The following AUTS2 variants were observed in gnomAD, a reference collection of about 807,000 sequenced individuals.
AUTS2 encodes activator of transcription and developmental regulator AUTS2.
AUTS2 carries 17 observed loss-of-function variants against 112.4 expected under a neutral mutation model. The ratio of observed to expected loss-of-function variants is 0.15; its 90% confidence interval spans 0.10 to 0.23. The LOEUF is 0.23. Ranked by LOEUF, AUTS2 falls within the 10% of genes least tolerant of loss-of-function variation. AUTS2 has a pLI of 1.00. For synonymous variants in AUTS2, 751 were observed against 702.7 expected, an observed-to-expected ratio of 1.07 and a Z score of -1.09; for missense variants, 1,510 against 1,701.6, an observed-to-expected ratio of 0.89 and a Z score of 1.98.
At chr7:70,221,867 A>G (rs558268261) in intron 4 of AUTS2, among the ~76,000 whole-genome samples, 1 of 152,358 alleles carries the variant, frequency 6.6e-6, no homozygotes, top group South Asian at 2.1e-4. Flanking sequence ...AGCCTAGGTG[A>G]CAAGAGCAGA....
At chr7:70,209,774 G>A (rs913670653) in intron 4 of AUTS2, among the ~76,000 whole-genome samples, 3 of 152,132 alleles carry the variant, frequency 2.0e-5, no homozygotes, top group Admixed American at 6.5e-5. Context: ...TACTACAACC[G>A]ATTAATGAAA....
chr7:70,037,384 G>A (rs779557666), intron 2 of AUTS2, among the ~76,000 whole-genome samples: 37 of 152,280 alleles, frequency 2.4e-4, no homozygotes, highest in Non-Finnish European at 5.0e-4. Context: ...GTAGGTTATA[G>A]CTGCTCTTGC....
At chr7:70,768,310 G>A (rs1790066938) in intron 10 of AUTS2, among the ~76,000 whole-genome samples, 2 of 152,192 alleles carry the variant, frequency 1.3e-5, no homozygotes, top group African/African-American at 2.4e-5. Flanking sequence ...GCTCTTTAGT[G>A]GCAGTCAGGC....
chr7:70,082,305 AATTC>A (rs1803361139), intron 2 of AUTS2, among the ~76,000 whole-genome samples: 1 of 152,164 alleles, frequency 6.6e-6, no homozygotes, highest in Non-Finnish European at 1.5e-5. Flanking sequence ...CTTGTGAGGA[AATTC>A]ATCTTAAAAA....
At chr7:70,322,382 T>C (rs1306392858) in intron 4 of AUTS2, among the ~76,000 whole-genome samples, 1 of 152,194 alleles carries the variant, frequency 6.6e-6, no homozygotes, top group African/African-American at 2.4e-5. Context: ...AGGGCCTTTA[T>C]GCTATGGTTT....
At chr7:69,716,450 T>C (rs1403881092) in intron 1 of AUTS2, among the ~76,000 whole-genome samples, 3 of 152,168 alleles carry the variant, frequency 2.0e-5, no homozygotes, top group African/African-American at 7.2e-5. Flanking sequence ...GGACAAGGAC[T>C]GAACTTCTGA....
chr7:69,809,156 G>A lies in AUTS2; in HGVS notation c.310-90130G>A, dbSNP rs188524965. 4.4e-3 allele frequency among the ~76,000 whole-genome samples: 667 copies of A among 152,010 alleles called. 4 individuals are homozygous for A. Among genetic ancestry groups the A allele is most frequent in the Non-Finnish European group, 5.8e-3 (394 of 67,984 alleles). On this transcript the variant is annotated intron_variant, in intron 1 of 18. Coordinates refer to ENST00000342771, the MANE Select transcript of AUTS2 (RefSeq NM_015570.4). ...GTGGCGCGATCTCGGCTCACTGCAAGTTCCGCCTCCCAGGTTCACACCATT... is the reference window on the plus strand; with the variant it reads ...GTGGCGCGATCTCGGCTCACTGCAAATTCCGCCTCCCAGGTTCACACCATT...
chr7:69,689,838 C>T (rs926972064), intron 1 of AUTS2, among the ~76,000 whole-genome samples: 5 of 150,102 alleles, frequency 3.3e-5, no homozygotes, highest in African/African-American at 7.4e-5. Flanking sequence ...CCACCATGCC[C>T]GGCTTAATTT....
intron 2 of AUTS2, among the ~76,000 whole-genome samples, chr7:70,100,908 CCTT>C (rs1371883962): frequency 1.8e-4 from 27 of 152,158 alleles, no homozygotes; most frequent in Admixed American, 1.4e-3. Flanking sequence ...GACAGAGTCT[CCTT>C]CTATCCCCCA....
chr7:70,740,875 C>T (rs1410260258), intron 6 of AUTS2, among the ~76,000 whole-genome samples: 1 of 152,054 alleles, frequency 6.6e-6, no homozygotes, highest in Admixed American at 6.6e-5. Context: ...AGACGGATCA[C>T]TTGCGGTCAG....
chr7:69,699,260 A>G (rs924995407), intron 1 of AUTS2, among the ~76,000 whole-genome samples: 1 of 152,214 alleles, frequency 6.6e-6, no homozygotes, highest in Non-Finnish European at 1.5e-5. Flanking sequence ...TAAGAAGTAT[A>G]TAGAGGAATG....
chr7:70,135,181 CAATATTGTGATAATCAT>C (rs1806486235), intron 4 of AUTS2, among the ~76,000 whole-genome samples: 1 of 152,090 alleles, frequency 6.6e-6, no homozygotes, highest in Non-Finnish European at 1.5e-5. Context: ...GGGATTATCA[CAATATTGTGATAATCAT>C]GAATATAAAA....
chr7:69,817,346 G>A (rs1311864744), intron 1 of AUTS2, among the ~76,000 whole-genome samples: 1 of 152,202 alleles, frequency 6.6e-6, no homozygotes, highest in African/African-American at 2.4e-5. Context: ...TCACATTCCT[G>A]TCTTACTCAT....
chr7:70,102,525 G>T (rs1041985698), intron 2 of AUTS2, among the ~76,000 whole-genome samples: 1 of 151,382 alleles, frequency 6.6e-6, no homozygotes, highest in Admixed American at 6.6e-5. Context: ...AGTTTCTTTG[G>T]TTAGATCACA....
chr7:70,292,067 G>C (rs1330795449), intron 4 of AUTS2: 2 of 152,162 alleles, frequency 1.3e-5, no homozygotes, highest in African/African-American at 2.4e-5. Flanking sequence ...TCATTGGATT[G>C]ATTTTGTGGA....
At position 69,914,938 on chromosome 7, in the gene AUTS2, T is replaced by G. The variant is rs115482212; in HGVS notation, c.522+15440T>G. On this transcript the variant is annotated intron_variant, in intron 2 of 18. Transcript: ENST00000342771. ...GCCCAATTAATTCATTTTCCACATA[T>G]TTGCTCATTGAGCAAACATCAACTG... Among the ~76,000 whole-genome samples the G allele has an allele frequency of 2.9e-3, 441 of 152,314 alleles. 5 individuals carry two copies. Among genetic ancestry groups the G allele is most frequent in the African/African-American group, 0.01 (427 of 41,566 alleles).
chr7:70,326,728 C>T (rs1264510408), intron 4 of AUTS2, among the ~76,000 whole-genome samples: 1 of 152,112 alleles, frequency 6.6e-6, no homozygotes, highest in Admixed American at 6.5e-5. Flanking sequence ...TAAGGTTGGA[C>T]ATTTATTTCC....
intron 5 of AUTS2, among the ~76,000 whole-genome samples, chr7:70,530,260 T>C (rs745770416): frequency 6.6e-6 from 1 of 152,200 alleles, no homozygotes. Flanking sequence ...ATTAAAATTG[T>C]ATCAAAGAGG....
chr7:70,791,273 G>T lies in AUTS2; in HGVS notation c.*277G>T. 1 of 178,456 alleles carries T rather than the reference G, an allele frequency of 5.6e-6. No homozygotes were observed. The highest frequency in any genetic ancestry group is 1.0e-5 in the Non-Finnish European group (1 of 96,208). The allele number at this position is 178,456 out of a possible 1,614,324, so 11.1% of individuals were successfully genotyped here. A position where few individuals can be genotyped will look rare whatever the true frequency, so the allele number is the denominator to read the frequency against. Reference sequence around the variant, plus strand: ...TGATTTGAACCAAAACAGTGAAGATGACAACACACACCAATTGGATGATAA... The same window carrying T: ...TGATTTGAACCAAAACAGTGAAGATTACAACACACACCAATTGGATGATAA... On this transcript the variant is annotated 3_prime_UTR_variant, in exon 19 of 19. Transcript: ENST00000342771.
Sources: allele counts gnomAD v4.1 joint callset (sites outside exome capture counted in the v4.1 genomes callset), GRCh38; gene constraint gnomAD v4.1.1; transcripts MANE v1.5; gene names NCBI Gene and HGNC (gene_info 2026-07-23, HGNC 2026-07-21).